The following TRIO variants were observed in gnomAD, a reference collection of about 807,000 sequenced individuals.
The protein encoded by TRIO is trio Rho guanine nucleotide exchange factor.
A neutral mutation model predicts 351.9 loss-of-function variants in TRIO; 58 were observed. That is an observed-to-expected ratio of 0.16 (90% CI 0.13 to 0.21). TRIO has a LOEUF of 0.21. TRIO is among the 10% of genes least tolerant of loss of function. The pLI is 1.00. For synonymous variants in TRIO, 1,758 were observed against 1,595.7 expected (o/e 1.10, Z -2.42); for missense variants, 3,201 against 4,027.8 (o/e 0.79, Z 5.56).
chr5:14,369,005 T>G, intron 17 of TRIO, 106 bp downstream of exon 17: 1 of 1,376,118 alleles, frequency 7.3e-7, no homozygotes. Flanking sequence ...ATTGAAACAA[T>G]CAGTTGCCAG....
chr5:14,234,297 T>TA (rs897470565), intron 1 of TRIO, among the ~76,000 whole-genome samples: 1 of 152,092 alleles, frequency 6.6e-6, no homozygotes, highest in African/African-American at 2.4e-5. Context: ...GGGCAGTGGA[T>TA]AGGGGTGCCG....
chr5:14,461,605 G>C (rs1009036252), intron 35 of TRIO, among the ~76,000 whole-genome samples: 1 of 152,210 alleles, frequency 6.6e-6, no homozygotes, highest in Non-Finnish European at 1.5e-5. Flanking sequence ...CCTGGGCCAG[G>C]AGGGAGACCA....
intron 35 of TRIO, among the ~76,000 whole-genome samples, chr5:14,462,323 G>A (rs1328063775): frequency 2.6e-5 from 4 of 152,292 alleles, no homozygotes; most frequent in Middle Eastern, 3.4e-3. Context: ...CAAATCCAGT[G>A]CTTAAAATGC....
chr5:14,508,405 C>T lies in TRIO; in HGVS notation c.9277C>T (p.Leu3093Phe), dbSNP rs145985294. 106 of 1,609,406 alleles carry T rather than the reference C, an allele frequency of 6.6e-5. No homozygotes were observed. In the African/African-American group the frequency reaches 1.3e-3, roughly 20 times the overall value. Residue 3093 changes from leucine to phenylalanine, a missense_variant, in exon 57 of 57, where the codon CTT becomes TTT. Physicochemically the swap from Leu to Phe is conservative, Grantham distance 22 (BLOSUM62 0). Transcript: ENST00000344204. ...CATTAAAAACTTTCTGCAGAGCAGG[C>T]TTCTGCCTAGAGTTTGACCTATCCA... Reference protein sequence around the residue: ...RSIKNFLQSRLLPRV With the variant: ...RSIKNFLQSRFLPRV
chr5:14,401,512 C>T, intron 31 of TRIO, among the ~76,000 whole-genome samples: 1 of 152,182 alleles, frequency 6.6e-6, no homozygotes, highest in East Asian at 1.9e-4. Flanking sequence ...CTTACAGAGT[C>T]CTCAGCTCTG....
intron 41 of TRIO, among the ~76,000 whole-genome samples, chr5:14,479,027 A>C (rs1755316433): frequency 6.6e-6 from 1 of 152,144 alleles, no homozygotes; most frequent in Admixed American, 6.5e-5. Flanking sequence ...TTGGTACTGT[A>C]AAGTGAAGGG....
intron 11 of TRIO, among the ~76,000 whole-genome samples, chr5:14,345,616 A>G (rs576968493): frequency 1.3e-5 from 2 of 152,320 alleles, no homozygotes; most frequent in Non-Finnish European, 2.9e-5. Context: ...GCTGGAGTGC[A>G]GTGGTGTGAT....
intron 29 of TRIO, chr5:14,397,453 G>C (rs1028421295): frequency 2.3e-5 from 7 of 306,514 alleles, no homozygotes; most frequent in Non-Finnish European, 4.3e-5. Flanking sequence ...GGATGGGTAG[G>C]TGGGTGTATG....
chr5:14,177,174 TC>T (rs1399368135), intron 1 of TRIO, among the ~76,000 whole-genome samples: 1 of 152,208 alleles, frequency 6.6e-6, no homozygotes, highest in African/African-American at 2.4e-5. Flanking sequence ...ATTCTGGAAT[TC>T]ACTTGAGTGT....
chr5:14,419,701 G>C, intron 33 of TRIO, 77 bp from the exon 34 acceptor site: 1 of 1,570,854 alleles, frequency 6.4e-7, no homozygotes. Flanking sequence ...AACCCACCTG[G>C]AGGACTTCCC....
At chr5:14,316,201 C>A (rs1739366631) in intron 8 of TRIO, among the ~76,000 whole-genome samples, 1 of 152,126 alleles carries the variant, frequency 6.6e-6, no homozygotes, top group African/African-American at 2.4e-5. Context: ...AAATAGTATG[C>A]CTATTCATTG....
intron 1 of TRIO, among the ~76,000 whole-genome samples, chr5:14,269,701 G>T (rs563309370): frequency 6.6e-6 from 1 of 151,658 alleles, no homozygotes; most frequent in South Asian, 2.1e-4. Context: ...AGCAGGGCTT[G>T]CCCGGGAGTT....
At chr5:14,469,695 C>T (rs1754538301) in intron 37 of TRIO, among the ~76,000 whole-genome samples, 1 of 152,260 alleles carries the variant, frequency 6.6e-6, no homozygotes, top group African/African-American at 2.4e-5. Flanking sequence ...TGCACCGCTT[C>T]AGGGTGTGTG....
intron 11 of TRIO, among the ~76,000 whole-genome samples, chr5:14,337,253 G>A (rs145720492): frequency 2.0e-5 from 3 of 152,228 alleles, no homozygotes; most frequent in Non-Finnish European, 4.4e-5. Context: ...ATGTTATTTG[G>A]TGTGTGAAAA....
chr5:14,475,004 C>T (rs759676725), intron 40 of TRIO, among the ~76,000 whole-genome samples: 3 of 152,132 alleles, frequency 2.0e-5, no homozygotes, highest in African/African-American at 4.8e-5. Context: ...AAAGTAGACA[C>T]GATTGCCCAT....
intron 1 of TRIO, among the ~76,000 whole-genome samples, chr5:14,186,625 T>G (rs1462579825): frequency 1.2e-4 from 18 of 152,098 alleles, no homozygotes; most frequent in Non-Finnish European, 5.9e-5. Flanking sequence ...TTGCCCAGGC[T>G]GGAGTGCAGT....
intron 42 of TRIO, 65 bp downstream of exon 42, chr5:14,479,415 G>C (rs1298592818): frequency 4.9e-6 from 7 of 1,441,046 alleles, no homozygotes; most frequent in Admixed American, 1.9e-5. Flanking sequence ...TTCTAAAAAT[G>C]AAAGTATCAT....
chr5:14,148,759 A>G (rs1411702199), intron 1 of TRIO, among the ~76,000 whole-genome samples: 2 of 152,170 alleles, frequency 1.3e-5, no homozygotes, highest in East Asian at 3.8e-4. Flanking sequence ...CCAAGTACTC[A>G]GCTGCGTAGA....
chr5:14,374,172 C>T, intron 18 of TRIO, 57 bp from the exon 19 acceptor site: 2 of 1,375,970 alleles, frequency 1.5e-6, no homozygotes, highest in South Asian at 2.5e-5. Context: ...ATGTGTACTC[C>T]AAATACACGT....
Sources: gnomAD v4.1 joint callset for allele counts (sites outside exome capture counted in the v4.1 genomes callset) on GRCh38, gnomAD v4.1.1 for gene constraint, MANE v1.5 for transcripts, NCBI Gene and HGNC (gene_info 2026-07-23, HGNC 2026-07-21) for gene names.